Variants in NEURL1B observed in about 807,000 individuals in gnomAD.
NEURL1B encodes E3 ubiquitin-protein ligase NEURL1B.
In NEURL1B, 13 loss-of-function variants were observed where a neutral mutation model predicts 37.4. The ratio of observed to expected loss-of-function variants is 0.35; its 90% CI spans 0.23 to 0.55. NEURL1B has a LOEUF of 0.55. Among genes scored for constraint, NEURL1B ranks in the 20% least tolerant of loss-of-function variants. The pLI is 0.89. For synonymous variants in NEURL1B, 432 were observed against 426.6 expected (o/e 1.01, Z -0.16); for missense variants, 790 against 879.2 (o/e 0.90, Z 1.28).
rs1404966375 is a variant in NEURL1B at position 172,653,884 on chromosome 5, A to G, written c.31+12447A>G. On this transcript the variant is annotated intron_variant, in intron 1 of 4. Transcript: ENST00000369800. ...CACGACTTTCAGACAATTCTTCAAC[A>G]TGCCTCAACTTTCTGACTTACTGCA... Among the ~76,000 whole-genome samples, 4 of 152,120 alleles carry G rather than the reference A, an allele frequency of 2.6e-5. No homozygotes were observed. The East Asian group carries it at 7.7e-4, about 29-fold the overall frequency.
Position 172,675,593 on chromosome 5 carries a change from G to A in NEURL1B, c.577+5263G>A, listed in dbSNP as rs751425388. On this transcript the variant is annotated intron_variant, in intron 2 of 4. Coordinates refer to ENST00000369800, the MANE Select transcript of NEURL1B (RefSeq NM_001142651.3). This position sits in a 1 kb window ranked among gnomAD's most constrained non-coding sequence, Gnocchi z 4.7. The stretch of plus-strand genomic sequence containing the variant: ...AATTTAGCAGTTCCTGGAGCCAGGA[G>A]AGGAAGCTTCTGCCAGGCCATGCGC... Among the ~76,000 whole-genome samples, 1 of 147,572 alleles carries A rather than the reference G, an allele frequency of 6.8e-6. No homozygotes were observed. The highest frequency in any genetic ancestry group is 2.2e-4 in the South Asian group (1 of 4,586).
At chr5:172,674,742 G>A (rs1014438702) in intron 2 of NEURL1B, among the ~76,000 whole-genome samples, 5 of 152,052 alleles carry the variant, frequency 3.3e-5, no homozygotes, top group African/African-American at 7.2e-5. Flanking sequence ...TTCTTCGGAC[G>A]CCTCTGTCCA....
rs1448104870 is a variant in NEURL1B, at chr5:172,670,196, C to T, written c.443C>T (p.Ala148Val). The change falls in exon 2 of 5, where the codon GCC (alanine) becomes GTC (valine). Residue 148 changes from alanine (A) to valine (V), a missense_variant. Ala to Val is a moderately conservative substitution (Grantham distance 64, BLOSUM62 0). Transcript: ENST00000369800. ...CGCGACACGGTGCTGGCCTACTGGG[C>T]CGACCGCCACGGCCGCGTGTTCTAC... Reference protein sequence around the residue: ...ALRDTVLAYWADRHGRVFYSV... With the variant: ...ALRDTVLAYWVDRHGRVFYSV... 2.0e-6 allele frequency: 3 copies of T among 1,464,116 alleles called. No homozygotes were observed. The highest frequency in any genetic ancestry group is 1.8e-6 in the Non-Finnish European group (2 of 1,111,670). 90.7% of individuals were successfully genotyped at this position (1,464,116 alleles called of 1,614,324 possible).
rs1044517398 is a variant in NEURL1B at position 172,677,320 on chromosome 5, C to T, written c.578-6099C>T. ...TGGAGCGAGACCGCCGCTGCATGGCCGCCAGCCTGTCCCACCAAGGGCTTC... is the reference window on the plus strand; with the variant it reads ...TGGAGCGAGACCGCCGCTGCATGGCTGCCAGCCTGTCCCACCAAGGGCTTC... On this transcript the variant is annotated intron_variant, in intron 2 of 4. Coordinates refer to ENST00000369800, the MANE Select transcript of NEURL1B (RefSeq NM_001142651.3). Among the ~76,000 whole-genome samples, 4 of 152,124 alleles carry T rather than the reference C, an allele frequency of 2.6e-5. No individual in the cohort carries two copies. The East Asian group carries it at 5.8e-4, about 22-fold the overall frequency.
At chr5:172,670,426 C>CTG in intron 2 of NEURL1B, 96 bp downstream of exon 2, 1 of 1,017,304 alleles carries the variant, frequency 9.8e-7, no homozygotes, top group Non-Finnish European at 1.3e-6. Context: ...TTATGGAGAG[C>CTG]TCCTTTTGCC....
intron 1 of NEURL1B, among the ~76,000 whole-genome samples, chr5:172,642,143 A>G (rs1757475269): frequency 6.6e-6 from 1 of 152,234 alleles, no homozygotes; most frequent in Admixed American, 6.5e-5. Context: ...GTGGGAACAG[A>G]TCAGCGGTCC....
At chr5:172,664,880 A>G (rs367720780) in intron 1 of NEURL1B, among the ~76,000 whole-genome samples, 2 of 152,252 alleles carry the variant, frequency 1.3e-5, no homozygotes, top group African/African-American at 4.8e-5. Flanking sequence ...AAGTCAGATC[A>G]TATAATCAAG....
At chr5:172,679,079 C>A (rs1383938017) in intron 2 of NEURL1B, among the ~76,000 whole-genome samples, 1 of 152,224 alleles carries the variant, frequency 6.6e-6, no homozygotes, top group East Asian at 1.9e-4. Flanking sequence ...GGACATTAGG[C>A]CCGTGGAGAC....
rs552398934 is a variant in NEURL1B at position 172,686,276 on chromosome 5, C to T, written c.1403C>T (p.Ser468Leu). ...ACCTTCAGTGTCAACCAGTCCTCCT[C>T]GGCATCTGAGTCATCCCTGGGTAAG... Reference protein sequence around the residue: ...DMTFSVNQSSSASESSLVTAP... With the variant: ...DMTFSVNQSSLASESSLVTAP... Residue 468 changes from serine to leucine, a missense_variant, in exon 4 of 5, where the codon TCG becomes TTG. Transcript: ENST00000369800. The surrounding 1 kb of genome is among the most constrained non-coding windows in gnomAD (Gnocchi z 7.9). The T allele has an allele frequency of 6.4e-6, 10 of 1,551,692 alleles. No homozygotes were observed. The highest frequency in any genetic ancestry group is 4.9e-5 in the East Asian group (2 of 40,914).
chr5:172,652,025 G>A (rs572132633), intron 1 of NEURL1B, among the ~76,000 whole-genome samples: 4 of 152,308 alleles, frequency 2.6e-5, no homozygotes, highest in African/African-American at 9.6e-5. Flanking sequence ...CCATACATCC[G>A]CTCTGGGATG....
At position 172,687,400 on chromosome 5, in the gene NEURL1B, G is replaced by C. The variant is rs1232593152; in HGVS notation, c.*475G>C. 6.3e-6 allele frequency: 1 copy of C among 159,632 alleles called. No individual in the cohort carries two copies. The highest frequency in any genetic ancestry group is 1.4e-5 in the Non-Finnish European group (1 of 72,226). 9.9% of individuals were successfully genotyped at this position (159,632 alleles called of 1,614,324 possible). On this transcript the variant is annotated 3_prime_UTR_variant, in exon 5 of 5. Coordinates refer to ENST00000369800, the MANE Select transcript of NEURL1B (RefSeq NM_001142651.3). ...AGCCCCGACATTGGCATGACTAGAAGTTGTTCACTTTCTGGGGATGGGACA... is the reference window on the plus strand; with the variant it reads ...AGCCCCGACATTGGCATGACTAGAACTTGTTCACTTTCTGGGGATGGGACA...
intron 1 of NEURL1B, among the ~76,000 whole-genome samples, 158 bp from the exon 2 acceptor site, chr5:172,669,627 C>A (rs2113303724): frequency 6.6e-6 from 1 of 152,290 alleles, no homozygotes; most frequent in South Asian, 2.1e-4. Context: ...CAGTTAGGGT[C>A]GGTCTCCCTT....
rs55663413 is a variant in NEURL1B, at chr5:172,667,275, T to TAAAAAAAAAAAA, written c.32-2500_32-2489dup. Among the ~76,000 whole-genome samples the TAAAAAAAAAAAA allele has an allele frequency of 6.6e-4, 48 of 72,280 alleles. 1 individual carries two copies. Among genetic ancestry groups the TAAAAAAAAAAAA allele is most frequent in the South Asian group, 9.9e-4 (2 of 2,024 alleles). 47.4% of individuals were successfully genotyped at this position (72,280 alleles called of 152,430 possible). On this transcript the variant is annotated intron_variant, in intron 1 of 4. Transcript: ENST00000369800. ...CAACATGGTGAAACCCTGTCTCTAC[T>TAAAAAAAAAAAA]AAAAAAAAAAAAAAAAAAAAATTAG...
rs890510382 is a variant in NEURL1B at position 172,686,724 on chromosome 5, G to T, written c.1467G>T (p.Val489=). 2 of 1,551,308 alleles carry T rather than the reference G, an allele frequency of 1.3e-6. No individual in the cohort carries two copies. Among genetic ancestry groups the T allele is most frequent in the African/African-American group, 1.4e-5 (1 of 73,148 alleles). ...CGCTGAGCCCCCCGGTGTCCCCCGTGTTCTCCCCACCGGAGCCGGCAGGCA... is the reference window on the plus strand; with the variant it reads ...CGCTGAGCCCCCCGGTGTCCCCCGTTTTCTCCCCACCGGAGCCGGCAGGCA... ...SSPLSPPVSP[V]FSPPEPAGIK... is the part of the protein sequence containing the mutation. Residue 489 remains valine, a synonymous_variant, in exon 5 of 5, where the codon GTG becomes GTT. Transcript: ENST00000369800. This position sits in a 1 kb window ranked among gnomAD's most constrained non-coding sequence, Gnocchi z 7.9.
At position 172,688,802 on chromosome 5, in the gene NEURL1B, G is replaced by A. The variant is rs1388842651; in HGVS notation, c.*1877G>A. 1 of 152,296 alleles carries A rather than the reference G, an allele frequency of 6.6e-6. No individual in the cohort carries two copies. Among genetic ancestry groups the A allele is most frequent in the African/African-American group, 2.4e-5 (1 of 41,460 alleles). 9.4% of individuals were successfully genotyped at this position (152,296 alleles called of 1,614,324 possible). ...GTTTGAGAATCCAGCAGCCCTGGGT[G>A]CCTGGCTGAATTTGGTTTCCTGCAT... On this transcript the variant is annotated 3_prime_UTR_variant, in exon 5 of 5. Transcript: ENST00000369800. The surrounding 1 kb of genome is among the most constrained non-coding windows in gnomAD (Gnocchi z 4.3).
chr5:172,653,076 C>T (rs1018433570), intron 1 of NEURL1B, among the ~76,000 whole-genome samples: 8 of 152,054 alleles, frequency 5.3e-5, no homozygotes, highest in East Asian at 1.9e-4. Context: ...AGAACGTGAT[C>T]GCCAGGTTGG....
intron 1 of NEURL1B, among the ~76,000 whole-genome samples, chr5:172,652,038 C>G (rs933816946): frequency 6.6e-6 from 1 of 152,222 alleles, no homozygotes. Context: ...CTGGGATGAA[C>G]AAGGGCTGAC....
intron 2 of NEURL1B, among the ~76,000 whole-genome samples, chr5:172,679,874 G>A (rs563724266): frequency 5.3e-5 from 8 of 152,256 alleles, no homozygotes; most frequent in African/African-American, 1.7e-4. Flanking sequence ...CACCCTCAGA[G>A]AATCCCAGCT....
In NEURL1B at chr5:172,670,241, C is replaced by T. The variant is rs1212661877; in HGVS notation, c.488C>T (p.Pro163Leu). 1 of 1,404,264 alleles carries T rather than the reference C, an allele frequency of 7.1e-7. No individual in the cohort carries two copies. Among genetic ancestry groups the T allele is most frequent in the Non-Finnish European group, 9.2e-7 (1 of 1,082,942 alleles). The allele number at this position is 1,404,264 out of a possible 1,614,324, so 87.0% of individuals were successfully genotyped here. A position where few individuals can be genotyped will look rare whatever the true frequency, so the allele number is the denominator to read the frequency against. The change falls in exon 2 of 5, where the codon CCG (proline) becomes CTG (leucine). Residue 163 changes from proline (P) to leucine (L), a missense_variant. This residue lies in a region of NEURL1B where 215 missense variants were observed against 309.2 expected (regional missense o/e 0.70). Transcript: ENST00000369800. ...TTCTACAGCGTGAACGACGGCGAGC[C>T]GGTGCTCTTCCACTGCGGCGTGGCC... ...RVFYSVNDGE[P>L]VLFHCGVAVG...
Sources: gnomAD v4.1 joint callset for allele counts (sites outside exome capture counted in the v4.1 genomes callset) on GRCh38, gnomAD v4.1.1 for gene constraint, gnomAD v4.1.1 regional missense constraint, Gnocchi (gnomAD v3.1) non-coding constraint, MANE v1.5 for transcripts, NCBI Gene and HGNC (gene_info 2026-07-23, HGNC 2026-07-21) for gene names.